SUPT3H: variants seen among roughly 807,000 people sequenced by gnomAD.
SUPT3H encodes SPT3 homolog, SAGA and STAGA complex component.
Under a neutral mutation model 44.3 loss-of-function variants are expected in SUPT3H, and 44 were observed. That is an observed-to-expected ratio of 0.99 (90% CI 0.78 to 1.28). The LOEUF (loss-of-function observed/expected upper bound fraction) is 1.28. Ranked by LOEUF, SUPT3H falls within the 50% of genes most tolerant of loss-of-function variation. The pLI is 0.00. For synonymous variants in SUPT3H, 124 were observed against 125.6 expected (o/e 0.99, Z 0.09); for missense variants, 380 against 387.1 (o/e 0.98, Z 0.15).
At chr6:45,072,553 T>C (rs1419822129) in intron 3 of SUPT3H, among the ~76,000 whole-genome samples, 2 of 152,166 alleles carry the variant, frequency 1.3e-5, no homozygotes, top group Non-Finnish European at 2.9e-5. Context: ...ACTTAGAATT[T>C]TTATTTTATT....
intron 3 of SUPT3H, among the ~76,000 whole-genome samples, chr6:45,087,293 G>T (rs1175848155): frequency 6.6e-6 from 1 of 151,852 alleles, no homozygotes; most frequent in Non-Finnish European, 1.5e-5. Context: ...TCCCCAAACA[G>T]AAGTTTCCCA....
chr6:45,129,403 A>T (rs1313029297), intron 2 of SUPT3H, among the ~76,000 whole-genome samples: 4 of 152,214 alleles, frequency 2.6e-5, no homozygotes. Context: ...AAGATCTGGA[A>T]TCAAGTCCTC....
intron 2 of SUPT3H, among the ~76,000 whole-genome samples, chr6:45,187,101 TAAAAAAAAAA>T (rs70996308): frequency 1.7e-3 from 134 of 79,862 alleles, no homozygotes; most frequent in African/African-American, 5.5e-3. Flanking sequence ...TTTTCGCCTT[TAAAAAAAAAA>T]AAAAAAAAAA....
chr6:45,147,607 A>T (rs966610077), intron 2 of SUPT3H, among the ~76,000 whole-genome samples: 2 of 152,016 alleles, frequency 1.3e-5, no homozygotes, highest in Admixed American at 6.6e-5. Flanking sequence ...AGACATTTCC[A>T]ACAGCACAGA....
chr6:44,909,810 A>G (rs1766725495), intron 10 of SUPT3H, among the ~76,000 whole-genome samples: 1 of 152,172 alleles, frequency 6.6e-6, no homozygotes, highest in African/African-American at 2.4e-5. Flanking sequence ...TTCAGGAAAC[A>G]TTTTCAAAAT....
intron 6 of SUPT3H, among the ~76,000 whole-genome samples, chr6:44,979,830 C>T (rs1220257809): frequency 6.6e-6 from 1 of 152,176 alleles, no homozygotes; most frequent in Admixed American, 6.5e-5. Context: ...AACGCAATTA[C>T]TGTCAAACAG....
intron 3 of SUPT3H, among the ~76,000 whole-genome samples, chr6:45,046,918 A>AT (rs1455780805): frequency 2.1e-4 from 32 of 152,118 alleles, no homozygotes; most frequent in East Asian, 9.7e-4. Context: ...ATGTTTTATA[A>AT]TTTTTTGTGT....
In SUPT3H at chr6:45,166,502, G is replaced by A. The variant is rs544312908; in HGVS notation, c.102-60496C>T. Among the ~76,000 whole-genome samples the A allele has an allele frequency of 6.0e-5, 9 of 150,638 alleles. No homozygotes were observed. The East Asian group carries it at 1.4e-3, about 23-fold the overall frequency. ...CGGGAGGCTGAGGCAGGAGAATGGC[G>A]TGAACCCAGGAGGCAGAGCTTGCAG... On this transcript the variant is annotated intron_variant, in intron 2 of 10. Coordinates refer to ENST00000371459, the MANE Select transcript of SUPT3H (RefSeq NM_003599.4).
intron 10 of SUPT3H, among the ~76,000 whole-genome samples, chr6:44,918,044 A>G (rs1768086212): frequency 1.3e-5 from 2 of 152,256 alleles, no homozygotes; most frequent in Middle Eastern, 3.4e-3. Flanking sequence ...AAGTTAAATG[A>G]CCAATGTATC....
intron 2 of SUPT3H, among the ~76,000 whole-genome samples, chr6:45,140,906 C>T (rs967846352): frequency 5.9e-5 from 9 of 152,272 alleles, no homozygotes; most frequent in East Asian, 3.9e-4. Context: ...GTGAACAGCA[C>T]GCCTTGAGTT....
In SUPT3H at chr6:45,065,559, C is replaced by T. The variant is rs1321180881; in HGVS notation, c.186+40363G>A. Among the ~76,000 whole-genome samples the T allele has an allele frequency of 2.6e-5, 4 of 151,736 alleles. No homozygotes were observed. In the East Asian group the frequency reaches 7.7e-4, roughly 29 times the overall value. Reference sequence around the variant, plus strand: ...AAGGATCAACAAAATTGATAGACCACTAGCAAGACTAATAAAGAAAAAAAG... The same window carrying T: ...AAGGATCAACAAAATTGATAGACCATTAGCAAGACTAATAAAGAAAAAAAG... On this transcript the variant is annotated intron_variant, in intron 3 of 10. Coordinates refer to ENST00000371459, the MANE Select transcript of SUPT3H (RefSeq NM_003599.4).
intron 6 of SUPT3H, among the ~76,000 whole-genome samples, chr6:44,977,374 C>T (rs1778476506): frequency 6.6e-6 from 1 of 152,156 alleles, no homozygotes; most frequent in Non-Finnish European, 1.5e-5. Flanking sequence ...ACAGCTGTGT[C>T]AGGGAGAAAG....
intron 2 of SUPT3H, among the ~76,000 whole-genome samples, chr6:45,358,585 A>G (rs1473321966): frequency 6.6e-6 from 1 of 152,170 alleles, no homozygotes; most frequent in African/African-American, 2.4e-5. Context: ...TAACAAGAGC[A>G]CAATGTTTAT....
intron 2 of SUPT3H, among the ~76,000 whole-genome samples, chr6:45,346,436 A>G (rs1562993637): frequency 6.6e-6 from 1 of 152,134 alleles, no homozygotes; most frequent in Non-Finnish European, 1.5e-5. Flanking sequence ...ACAGAGATAC[A>G]ATACAGTACA....
intron 2 of SUPT3H, among the ~76,000 whole-genome samples, chr6:45,154,091 G>C (rs555499656): frequency 8.1e-5 from 3 of 37,192 alleles, no homozygotes; most frequent in African/African-American, 2.2e-4. Flanking sequence ...AAAAAAAAGC[G>C]CTTAGTCCTC....
At chr6:45,149,569 C>A (rs968314611) in intron 2 of SUPT3H, among the ~76,000 whole-genome samples, 13 of 152,082 alleles carry the variant, frequency 8.5e-5, no homozygotes, top group African/African-American at 2.7e-4. Context: ...TAAAAATTAT[C>A]TCTCCAATGC....
At chr6:45,279,698 C>T (rs1416598195) in intron 2 of SUPT3H, among the ~76,000 whole-genome samples, 1 of 152,138 alleles carries the variant, frequency 6.6e-6, no homozygotes, top group Non-Finnish European at 1.5e-5. Context: ...AACCTCTTTT[C>T]TTCATAAATT....
chr6:44,824,124 C>T (rs12216059), downstream of SUPT3H, among the ~76,000 whole-genome samples: 14,387 of 152,192 alleles, frequency 0.095, 848 homozygotes, highest in Middle Eastern at 0.15. Context: ...GACACTGTGC[C>T]GATCTTGCTT....
chr6:45,354,669 C>A (rs900383885), intron 2 of SUPT3H, among the ~76,000 whole-genome samples: 2 of 151,592 alleles, frequency 1.3e-5, no homozygotes, highest in African/African-American at 2.4e-5. Context: ...CTATATGTTG[C>A]TATGCAGAGA....
Sources: gnomAD v4.1 joint callset for allele counts (sites outside exome capture counted in the v4.1 genomes callset) on GRCh38, gnomAD v4.1.1 for gene constraint, MANE v1.5 for transcripts, NCBI Gene and HGNC (gene_info 2026-07-23, HGNC 2026-07-21) for gene names.